NPSR1: variants seen among roughly 807,000 people sequenced by gnomAD.
NPSR1 encodes neuropeptide S receptor 1, also known as neuropeptide S receptor.
Under a neutral mutation model 46.9 loss-of-function variants are expected in NPSR1, and 48 were observed. The ratio of observed to expected loss-of-function variants is 1.02; its 90% CI spans 0.81 to 1.30. NPSR1 has a LOEUF of 1.30. Among genes scored for constraint, NPSR1 ranks in the 50% most tolerant of loss-of-function variants. The pLI is 0.00. For synonymous variants in NPSR1, 176 were observed against 168.1 expected (o/e 1.05, Z -0.36); for missense variants, 450 against 449.5 (o/e 1.00, Z -0.01).
At chr7:34,690,089 G>A (rs12701383) in intron 2 of NPSR1, among the ~76,000 whole-genome samples, 34,088 of 151,918 alleles carry the variant, frequency 0.22, 4,080 homozygotes, top group South Asian at 0.34. Flanking sequence ...CCCAGTACAC[G>A]GCTACTACAA....
intron 3 of NPSR1, among the ~76,000 whole-genome samples, chr7:34,787,999 C>A (rs1787540798): frequency 6.6e-6 from 1 of 151,908 alleles, no homozygotes; most frequent in Non-Finnish European, 1.5e-5. Context: ...AGGGTTGCCA[C>A]AAACCTTCAA....
intron 2 of NPSR1, among the ~76,000 whole-genome samples, chr7:34,717,915 C>T (rs929065704): frequency 4.6e-5 from 7 of 152,150 alleles, no homozygotes; most frequent in African/African-American, 1.7e-4. Flanking sequence ...ATCTGGAATC[C>T]CCTGAACCAG....
intron 2 of NPSR1, among the ~76,000 whole-genome samples, chr7:34,736,252 T>C (rs564404445): frequency 2.0e-5 from 3 of 152,186 alleles, no homozygotes; most frequent in Non-Finnish European, 4.4e-5. Context: ...TCTCCTCTAG[T>C]CTTCATATAA....
intron 2 of NPSR1, 133 bp from the exon 3 acceptor site, chr7:34,778,329 C>CTGA (rs1459032760): frequency 3.7e-6 from 2 of 539,126 alleles, no homozygotes; most frequent in East Asian, 6.4e-5. Flanking sequence ...CAGTGGCCAT[C>CTGA]TGATAAAGCA....
chr7:34,860,327 G>T (rs1237309470), intron 8 of NPSR1, among the ~76,000 whole-genome samples: 1 of 151,616 alleles, frequency 6.6e-6, no homozygotes, highest in Non-Finnish European at 1.5e-5. Context: ...CTTTATGATT[G>T]CTTATGTGTA....
intron 2 of NPSR1, among the ~76,000 whole-genome samples, chr7:34,733,397 TA>T (rs1168017818): frequency 7.8e-6 from 1 of 128,942 alleles, no homozygotes; most frequent in Non-Finnish European, 1.6e-5. Flanking sequence ...CCACCCTGGG[TA>T]ACAAAGCAAG....
intron 1 of NPSR1, among the ~76,000 whole-genome samples, chr7:34,684,025 TGTATATAATTTTACAGA>T (rs1258490954): frequency 1.3e-5 from 2 of 152,238 alleles, no homozygotes; most frequent in East Asian, 3.9e-4. Context: ...CTTTTTGCTA[TGTATATAATTTTACAGA>T]GTTGTAATCA....
At chr7:34,808,050 T>C (rs1258115871) in intron 3 of NPSR1, among the ~76,000 whole-genome samples, 1 of 152,050 alleles carries the variant, frequency 6.6e-6, no homozygotes, top group Non-Finnish European at 1.5e-5. Context: ...CATGTAATCA[T>C]AACAGGGTGG....
intron 2 of NPSR1, among the ~76,000 whole-genome samples, chr7:34,728,262 A>G (rs1784257358): frequency 1.3e-5 from 2 of 152,202 alleles, no homozygotes; most frequent in Admixed American, 1.3e-4. Flanking sequence ...TAAAAGGTGT[A>G]CAAGGTGCCA....
intron 2 of NPSR1, among the ~76,000 whole-genome samples, chr7:34,755,029 TTGA>T (rs1785751707): frequency 6.6e-6 from 1 of 152,266 alleles, no homozygotes. Flanking sequence ...CGTTCATCAG[TTGA>T]TGATTATTTC....
intron 1 of NPSR1, among the ~76,000 whole-genome samples, chr7:34,665,054 G>C (rs1052867532): frequency 6.6e-6 from 1 of 152,124 alleles, no homozygotes; most frequent in Non-Finnish European, 1.5e-5. Flanking sequence ...GAGCAGATAT[G>C]AAACTAAAGT....
chr7:34,859,889 C>G (rs1345195146), intron 8 of NPSR1, among the ~76,000 whole-genome samples: 2 of 151,646 alleles, frequency 1.3e-5, no homozygotes, highest in Non-Finnish European at 2.9e-5. Flanking sequence ...GGGGTCAGAG[C>G]TCAAGTTCCT....
chr7:34,666,716 G>T (rs1791769911), intron 1 of NPSR1, among the ~76,000 whole-genome samples: 1 of 152,098 alleles, frequency 6.6e-6, no homozygotes, highest in Non-Finnish European at 1.5e-5. Flanking sequence ...CAGTATTGAA[G>T]CCAAGATCTT....
chr7:34,850,478 G>T (rs1171618015), downstream of NPSR1, among the ~76,000 whole-genome samples: 1 of 145,770 alleles, frequency 6.9e-6, no homozygotes, highest in Non-Finnish European at 1.5e-5. Context: ...TCGGCTCACT[G>T]CGAGCTCCAC....
At chr7:34,725,099 T>A (rs372992811) in intron 2 of NPSR1, among the ~76,000 whole-genome samples, 20 of 146,528 alleles carry the variant, frequency 1.4e-4, no homozygotes, top group Admixed American at 1.3e-3. Context: ...ACACACAGAC[T>A]CACACACACA....
chr7:34,687,845 A>C (rs1793015703), intron 2 of NPSR1, among the ~76,000 whole-genome samples: 1 of 152,246 alleles, frequency 6.6e-6, no homozygotes, highest in Non-Finnish European at 1.5e-5. Context: ...AAGACAATTA[A>C]GACTTGAGGG....
intron 2 of NPSR1, chr7:34,751,076 T>C: frequency 1.3e-6 from 1 of 791,220 alleles, no homozygotes. Flanking sequence ...CCTGCCCCTT[T>C]ACCTTCACCA....
downstream of NPSR1, among the ~76,000 whole-genome samples, chr7:34,853,608 C>T (rs1790987277): frequency 6.6e-6 from 1 of 152,178 alleles, no homozygotes; most frequent in Non-Finnish European, 1.5e-5. Flanking sequence ...CAGCTGGTCT[C>T]ATGGTTTTCA....
At chr7:34,802,916 A>T (rs1788491560) in intron 3 of NPSR1, among the ~76,000 whole-genome samples, 2 of 150,602 alleles carry the variant, frequency 1.3e-5, no homozygotes, top group South Asian at 4.1e-4. Flanking sequence ...GGACAAGAAC[A>T]GACACTTCTC....
Sources: allele counts gnomAD v4.1 joint callset (sites outside exome capture counted in the v4.1 genomes callset), GRCh38; gene constraint gnomAD v4.1.1; transcripts MANE v1.5; gene names NCBI Gene and HGNC (gene_info 2026-07-23, HGNC 2026-07-21).